TTC7B: variants seen among roughly 807,000 people sequenced by gnomAD.
The protein encoded by TTC7B is tetratricopeptide repeat domain 7B, also known as tetratricopeptide repeat protein 7B.
TTC7B carries 28 observed loss-of-function variants against 106.8 expected under a neutral mutation model. The observed-to-expected ratio is 0.26, with a 90% CI of 0.19 to 0.36. The LOEUF (loss-of-function observed/expected upper bound fraction) is 0.36. TTC7B is among the 10% of genes least tolerant of loss of function. The probability of loss-of-function intolerance (pLI) is 1.00; values close to 1 mark genes in which losing one functional copy is unlikely to be tolerated. For missense variants in TTC7B, 862 were observed against 1,076.4 expected, an observed-to-expected ratio of 0.80 and a Z score of 2.79; for synonymous variants, 405 against 430.6, an observed-to-expected ratio of 0.94 and a Z score of 0.74.
At chr14:90,777,428 G>GTGC (rs1355185940) in intron 3 of TTC7B, among the ~76,000 whole-genome samples, 1 of 152,094 alleles carries the variant, frequency 6.6e-6, no homozygotes, top group African/African-American at 2.4e-5. Context: ...CCCTAACATA[G>GTGC]TGCTGGCCCA....
chr14:90,661,702 A>T (rs1428807039), intron 9 of TTC7B, among the ~76,000 whole-genome samples: 1 of 152,210 alleles, frequency 6.6e-6, no homozygotes, highest in African/African-American at 2.4e-5. Flanking sequence ...GTACTTCAAT[A>T]TACTTAGTAA....
chr14:90,730,261 A>G (rs191874819), intron 4 of TTC7B, 65 bp from the exon 5 acceptor site: 4 of 1,551,556 alleles, frequency 2.6e-6, no homozygotes, highest in East Asian at 2.3e-5. Flanking sequence ...TTCAAACCCT[A>G]TCTCTAAATG....
intron 19 of TTC7B, among the ~76,000 whole-genome samples, chr14:90,560,468 A>G (rs1215259678): frequency 6.6e-6 from 1 of 152,242 alleles, no homozygotes; most frequent in East Asian, 1.9e-4. Context: ...TCCAAAGCAC[A>G]CTGTCGTCTT....
At chr14:90,683,233 C>A (rs1298349394) in intron 7 of TTC7B, among the ~76,000 whole-genome samples, 1 of 152,120 alleles carries the variant, frequency 6.6e-6, no homozygotes, top group African/African-American at 2.4e-5. Flanking sequence ...CACTGCCAAC[C>A]CACGAGAAAG....
Position 90,556,964 on chromosome 14 carries a change from C to T in TTC7B, c.2311-15375G>A, listed in dbSNP as rs556950948. ...GACCCCAGGGCTCTGGCGAGGGAAG[C>T]GTCAGACCTGGAAGTGTTGGAGGGT... is the stretch of plus-strand genomic sequence containing the variant. On this transcript the variant is annotated intron_variant, in intron 19 of 19. Coordinates refer to ENST00000328459, the MANE Select transcript of TTC7B (RefSeq NM_001010854.2). Among the ~76,000 whole-genome samples, 5 of 152,314 alleles carry T rather than the reference C, an allele frequency of 3.3e-5. No individual in the cohort carries two copies. In the East Asian group the frequency reaches 9.7e-4, roughly 29 times the overall value.
intron 1 of TTC7B, among the ~76,000 whole-genome samples, chr14:90,797,668 C>G (rs1025388457): frequency 2.0e-5 from 3 of 152,082 alleles, no homozygotes; most frequent in Non-Finnish European, 4.4e-5. Context: ...TTCTACAAAG[C>G]AACTGACATA....
chr14:90,616,714 G>C (rs1893094313), intron 16 of TTC7B, among the ~76,000 whole-genome samples: 1 of 152,136 alleles, frequency 6.6e-6, no homozygotes, highest in South Asian at 2.1e-4. Context: ...AGAAACATTT[G>C]TAAAACAATC....
At position 90,726,366 on chromosome 14, in the gene TTC7B, A is replaced by G. The variant is rs192217873; in HGVS notation, c.698+3709T>C. Among the ~76,000 whole-genome samples the G allele has an allele frequency of 1.6e-4, 25 of 152,304 alleles. No individual in the cohort carries two copies. In the East Asian group the frequency reaches 3.7e-3, roughly 22 times the overall value. ...AAGCCCATGGTTATGCACCTTGAGC[A>G]GCATTGCCTTAAGCCAGCGCCACTG... On this transcript the variant is annotated intron_variant, in intron 5 of 19. Transcript: ENST00000328459.
At chr14:90,668,118 C>CAAAAAAAAAAAAAAAAAA (rs3061073) in intron 9 of TTC7B, among the ~76,000 whole-genome samples, 1 of 142,768 alleles carries the variant, frequency 7.0e-6, no homozygotes, top group Non-Finnish European at 1.5e-5. Flanking sequence ...TAAGACCAAC[C>CAAAAAAAAAAAAAAAAAA]AAAAAAAAAA....
At chr14:90,732,060 C>T (rs780983795) in intron 4 of TTC7B, among the ~76,000 whole-genome samples, 20 of 151,984 alleles carry the variant, frequency 1.3e-4, no homozygotes, top group Admixed American at 2.6e-4. Context: ...ATTTATTGAA[C>T]GACAATCCAG....
chr14:90,561,205 A>T lies in TTC7B; in HGVS notation c.2310+16901T>A, dbSNP rs563581313. On this transcript the variant is annotated intron_variant, in intron 19 of 19. Coordinates refer to ENST00000328459, the MANE Select transcript of TTC7B (RefSeq NM_001010854.2). ...TGTTTATGAAGAAAGACGCGGCATCACATCTCACTGGCTCCCCCGAGGGGC... is the reference window on the plus strand; with the variant it reads ...TGTTTATGAAGAAAGACGCGGCATCTCATCTCACTGGCTCCCCCGAGGGGC... Among the ~76,000 whole-genome samples the T allele has an allele frequency of 5.9e-5, 9 of 152,302 alleles. No individual in the cohort carries two copies. The South Asian group carries it at 1.9e-3, about 32-fold the overall frequency.
intron 1 of TTC7B, among the ~76,000 whole-genome samples, chr14:90,793,661 T>C (rs949755393): frequency 9.3e-5 from 14 of 150,442 alleles, no homozygotes; most frequent in African/African-American, 3.4e-4. Flanking sequence ...CAGGCTGGAG[T>C]GCAATGGCAC....
chr14:90,758,433 G>C, intron 3 of TTC7B, among the ~76,000 whole-genome samples: 1 of 139,484 alleles, frequency 7.2e-6, no homozygotes, highest in Non-Finnish European at 1.6e-5. Context: ...AGTGAGCGGG[G>C]CGGGGCGAAA....
chr14:90,643,988 G>A (rs1885309506), intron 15 of TTC7B, 60 bp downstream of exon 15: 3 of 1,592,850 alleles, frequency 1.9e-6, no homozygotes, highest in South Asian at 1.1e-5. Flanking sequence ...AAGAAGGCAG[G>A]GGAAGAAGTA....
chr14:90,749,082 G>A (rs1270837635), intron 3 of TTC7B, among the ~76,000 whole-genome samples: 2 of 152,082 alleles, frequency 1.3e-5, no homozygotes, highest in African/African-American at 2.4e-5. Flanking sequence ...CACTTGCATG[G>A]TTTCTGACAA....
chr14:90,528,769 G>A lies in TTC7B; in HGVS notation c.*12599C>T, dbSNP rs1566753770. 6.6e-6 allele frequency: 1 copy of A among 151,462 alleles called. No individual in the cohort carries two copies. The highest frequency in any genetic ancestry group is 2.1e-4 in the South Asian group (1 of 4,794). 9.4% of individuals were successfully genotyped at this position (151,462 alleles called of 1,614,324 possible). A position where few individuals can be genotyped will look rare whatever the true frequency, so the allele number is the denominator to read the frequency against. On this transcript the variant is annotated 3_prime_UTR_variant, in exon 20 of 20. Coordinates refer to ENST00000328459, the MANE Select transcript of TTC7B (RefSeq NM_001010854.2). Reference sequence around the variant, plus strand: ...TGATGGTGTGACCCGACTGTGTTTTGTTACCTGTTTCTGATGGTTGTTTCT... The same window carrying A: ...TGATGGTGTGACCCGACTGTGTTTTATTACCTGTTTCTGATGGTTGTTTCT...
At position 90,742,079 on chromosome 14, in the gene TTC7B, C is replaced by CT. The variant is rs530623437; in HGVS notation, c.576+2712dup. On this transcript the variant is annotated intron_variant, in intron 4 of 19. Transcript: ENST00000328459. This position sits in a 1 kb window ranked among gnomAD's most constrained non-coding sequence, Gnocchi z 4.1. ...TGGTCAAATAAAACATATTTATTGA[C>CT]TTTTTTTTTTAAGTGCAGTGGTACA... Among the ~76,000 whole-genome samples, 5 of 148,846 alleles carry CT rather than the reference C, an allele frequency of 3.4e-5. No homozygotes were observed. Among genetic ancestry groups the CT allele is most frequent in the South Asian group, 2.1e-4 (1 of 4,720 alleles).
chr14:90,542,771 C>T (rs1889661732), intron 19 of TTC7B, among the ~76,000 whole-genome samples: 1 of 152,156 alleles, frequency 6.6e-6, no homozygotes, highest in Non-Finnish European at 1.5e-5. Context: ...CAGTGTCCCC[C>T]ATGAGCTCCT....
Position 90,805,816 on chromosome 14 carries a change from T to C in TTC7B, c.121+10359A>G, listed in dbSNP as rs911278. Among the ~76,000 whole-genome samples, 113,805 of 152,126 alleles carry C rather than the reference T, an allele frequency of 0.75. 42,921 individuals carry two copies. The highest frequency in any genetic ancestry group is 0.83 in the Middle Eastern group (245 of 294). On this transcript the variant is annotated intron_variant, in intron 1 of 19. Transcript: ENST00000328459. The surrounding 1 kb of genome is among the most constrained non-coding windows in gnomAD (Gnocchi z 4.0). The stretch of plus-strand genomic sequence containing the variant: ...CGTGCCCTGCCTCAGCTCATCAGAG[T>C]CACTCCTGTGAGCCCTGCGGCGGGC...
Sources: allele counts gnomAD v4.1 joint callset (sites outside exome capture counted in the v4.1 genomes callset), GRCh38; gene constraint gnomAD v4.1.1; non-coding constraint Gnocchi (gnomAD v3.1); transcripts MANE v1.5; gene names NCBI Gene and HGNC (gene_info 2026-07-23, HGNC 2026-07-21).